Variants in ZYX observed in about 807,000 individuals in gnomAD.
ZYX encodes the protein zyxin.
ZYX carries 37 observed loss-of-function variants against 58.1 expected under a neutral mutation model. The ratio of observed to expected loss-of-function variants is 0.64; its 90% confidence interval spans 0.49 to 0.84. The LOEUF (loss-of-function observed/expected upper bound fraction) is 0.84. Ranked by LOEUF, ZYX falls within the 40% of genes least tolerant of loss-of-function variation. ZYX has a pLI of 0.00. For missense variants in ZYX, 762 were observed against 761.6 expected (o/e 1.00, Z -0.01); for synonymous variants, 324 against 321.1 (o/e 1.01, Z -0.10).
At chr7:143,385,058 G>A (rs1375548530) in intron 5 of ZYX, among the ~76,000 whole-genome samples, 1 of 152,158 alleles carries the variant, frequency 6.6e-6, no homozygotes. Context: ...GGACCAGGAG[G>A]TGCGGGAAGA....
chr7:143,385,603 C>T (rs1355175580), intron 5 of ZYX, among the ~76,000 whole-genome samples: 1 of 141,164 alleles, frequency 7.1e-6, no homozygotes, highest in Non-Finnish European at 1.5e-5. Flanking sequence ...CAAATACACA[C>T]AAGTGGCGTA....
At chr7:143,381,966 C>A in intron 2 of ZYX, 187 bp downstream of exon 2, 1 of 658,372 alleles carries the variant, frequency 1.5e-6, no homozygotes, top group Non-Finnish European at 2.5e-6. Context: ...GGGACCGTTC[C>A]AAGTCCCCCG....
At chr7:143,386,725 A>G (rs932952882) in intron 5 of ZYX, among the ~76,000 whole-genome samples, 8 of 152,092 alleles carry the variant, frequency 5.3e-5, no homozygotes, top group African/African-American at 1.9e-4. Context: ...GGTGGGGGCA[A>G]CTAAGGCTTT....
chr7:143,383,213 G>T lies in ZYX; in HGVS notation c.914G>T (p.Gly305Val). Residue 305 changes from glycine to valine, a missense_variant, in exon 5 of 10, where the codon GGC becomes GTC. By Grantham distance (109) the Gly-to-Val change is moderately radical. Coordinates refer to ENST00000322764, the MANE Select transcript of ZYX (RefSeq NM_003461.5). ...GGGCACCCCGAAGCTCTTTCTGCTG[G>T]CACAGGCTCCCCTCAACCTCCCAGC... ...KLGHPEALSAGTGSPQPPSFT... is the reference protein window; with the variant it reads ...KLGHPEALSAVTGSPQPPSFT... 6.2e-7 allele frequency: 1 copy of T among 1,614,160 alleles called. No individual in the cohort carries two copies. The highest frequency in any genetic ancestry group is 8.5e-7 in the Non-Finnish European group (1 of 1,180,034).
chr7:143,389,737 C>A lies in ZYX; in HGVS notation c.1494-120C>A. 1 of 1,444,510 alleles carries A rather than the reference C, an allele frequency of 6.9e-7. No individual in the cohort carries two copies. The highest frequency in any genetic ancestry group is 2.0e-5 in the Admixed American group (1 of 49,926). The allele number at this position is 1,444,510 out of a possible 1,614,324, so 89.5% of individuals were successfully genotyped here. A position where few individuals can be genotyped will look rare whatever the true frequency, so the allele number is the denominator to read the frequency against. On this transcript the variant is annotated intron_variant, in intron 8 of 9. Transcript: ENST00000322764. The surrounding 1 kb of genome is among the most constrained non-coding windows in gnomAD (Gnocchi z 5.6). ...CTCTTAGGCCCTTCTGGTGAGCTTC[C>A]TTCACCTGGAGATGCAGGGCAGAGA...
rs569057901 is a variant in ZYX, at chr7:143,390,906, C to T, written c.*224C>T. 2.4e-5 allele frequency: 13 copies of T among 535,902 alleles called. No individual in the cohort carries two copies. Among genetic ancestry groups the T allele is most frequent in the South Asian group, 1.5e-4 (7 of 47,284 alleles). 33.2% of individuals were successfully genotyped at this position (535,902 alleles called of 1,614,324 possible). A position where few individuals can be genotyped will look rare whatever the true frequency, so the allele number is the denominator to read the frequency against. ...CGCCCATCCTGCAGGGATTGCCCAC[C>T]GTCTTCCAGACACCCCACCTGAGGG... On this transcript the variant is annotated 3_prime_UTR_variant, in exon 10 of 10. Transcript: ENST00000322764. The surrounding 1 kb of genome is among the most constrained non-coding windows in gnomAD (Gnocchi z 4.3).
In ZYX at chr7:143,390,607, A is replaced by G; in HGVS notation, c.1644A>G (p.Ala548=). 4 of 1,581,682 alleles carry G rather than the reference A, an allele frequency of 2.5e-6. No homozygotes were observed. The highest frequency in any genetic ancestry group is 3.4e-6 in the Non-Finnish European group (4 of 1,163,296). Residue 548 remains alanine, a synonymous_variant, in exon 10 of 10, where the codon GCA becomes GCG. Transcript: ENST00000322764. This position sits in a 1 kb window ranked among gnomAD's most constrained non-coding sequence, Gnocchi z 4.3. ...EDCGKPLSIE[A]DDNGCFPLDG... ...GCGGGAAGCCCCTGTCGATTGAGGC[A>G]GATGACAATGGCTGCTTCCCCCTGG... is the stretch of plus-strand genomic sequence containing the variant.
At chr7:143,382,035 G>A (rs1228131442) in intron 2 of ZYX, 3 of 603,930 alleles carry the variant, frequency 5.0e-6, no homozygotes, top group African/African-American at 1.9e-5. Flanking sequence ...TCCGTTTTCC[G>A]AAGTGTAACG....
intron 5 of ZYX, among the ~76,000 whole-genome samples, chr7:143,386,821 G>A (rs1335850884): frequency 6.6e-6 from 1 of 152,210 alleles, no homozygotes; most frequent in Non-Finnish European, 1.5e-5. Flanking sequence ...CTGAGGTCAA[G>A]GATGTCCCAT....
At chr7:143,383,421 T>G (rs1586564056) in intron 5 of ZYX, 99 bp downstream of exon 5, 1 of 1,403,128 alleles carries the variant, frequency 7.1e-7, no homozygotes, top group East Asian at 2.4e-5. Flanking sequence ...AGAGTCAGGG[T>G]GGACACGGGG....
In ZYX at chr7:143,384,806, A is replaced by G. The variant is rs1368912454; in HGVS notation, c.1023+1484A>G. Among the ~76,000 whole-genome samples the G allele has an allele frequency of 6.6e-6, 1 of 152,154 alleles. No homozygotes were observed. The highest frequency in any genetic ancestry group is 1.9e-4 in the East Asian group (1 of 5,172). ...GTGGGCGGATGGCAGGATTGCTGACAAAATAGAGAAGTCCAGAAGGGGAAA... is the reference window on the plus strand; with the variant it reads ...GTGGGCGGATGGCAGGATTGCTGACGAAATAGAGAAGTCCAGAAGGGGAAA... On this transcript the variant is annotated intron_variant, in intron 5 of 9. Transcript: ENST00000322764. The surrounding 1 kb of genome is among the most constrained non-coding windows in gnomAD (Gnocchi z 4.9).
intron 5 of ZYX, among the ~76,000 whole-genome samples, chr7:143,386,684 C>T (rs1280867951): frequency 6.7e-6 from 1 of 148,620 alleles, no homozygotes; most frequent in Non-Finnish European, 1.5e-5. Context: ...CAGGCTGGGG[C>T]ATGGTGGACA....
chr7:143,388,558 T>G lies in ZYX; in HGVS notation c.1214T>G (p.Phe405Cys). Residue 405 changes from phenylalanine to cysteine, a missense_variant, in exon 7 of 10, where the codon TTC becomes TGC. Physicochemically the swap from Phe to Cys is radical, Grantham distance 205. Coordinates refer to ENST00000322764, the MANE Select transcript of ZYX (RefSeq NM_003461.5). This position sits in a 1 kb window ranked among gnomAD's most constrained non-coding sequence, Gnocchi z 7.5. ...GCCGTCCGCGCTCTAGGGCAGCTGT[T>G]CCACATCGCCTGCTTCACCTGCCAC... ...QPAVRALGQLFHIACFTCHQC... is the reference protein window; with the variant it reads ...QPAVRALGQLCHIACFTCHQC... The G allele has an allele frequency of 6.2e-7, 1 of 1,611,820 alleles. No homozygotes were observed. Among genetic ancestry groups the G allele is most frequent in the Non-Finnish European group, 8.5e-7 (1 of 1,179,966 alleles).
Position 143,390,592 on chromosome 7 carries a change from CCT to C in ZYX, c.1630_1631del (p.Leu544ValfsTer3). The C allele has an allele frequency of 6.4e-7, 1 of 1,571,354 alleles. No homozygotes were observed. The highest frequency in any genetic ancestry group is 8.6e-7 in the Non-Finnish European group (1 of 1,157,574). The stretch of plus-strand genomic sequence containing the variant: ...CTTCTTCCCAGGACTGCGGGAAGCC[CCT>C]GTCGATTGAGGCAGATGACAATGGC... ...CYKCEDCGKP[L>X]SIEADDNGCF... On this transcript the variant is annotated frameshift_variant, in exon 10 of 10. Coordinates refer to ENST00000322764, the MANE Select transcript of ZYX (RefSeq NM_003461.5). LOFTEE classifies it high-confidence loss of function. The surrounding 1 kb of genome is among the most constrained non-coding windows in gnomAD (Gnocchi z 4.3).
At chr7:143,385,329 G>A (rs1257230462) in intron 5 of ZYX, among the ~76,000 whole-genome samples, 5 of 151,850 alleles carry the variant, frequency 3.3e-5, no homozygotes, top group Admixed American at 6.6e-5. Context: ...GTGTGTGTGT[G>A]TATATATACA....
rs1279725303 is a variant in ZYX, at chr7:143,385,290, G to A, written c.1023+1968G>A. On this transcript the variant is annotated intron_variant, in intron 5 of 9. Coordinates refer to ENST00000322764, the MANE Select transcript of ZYX (RefSeq NM_003461.5). Reference sequence around the variant, plus strand: ...CTGCTGGTGTAGCCTGGTCTTAAAGGACTAAGGGAAGGACTGTGTGTCAGT... The same window carrying A: ...CTGCTGGTGTAGCCTGGTCTTAAAGAACTAAGGGAAGGACTGTGTGTCAGT... Among the ~76,000 whole-genome samples the A allele has an allele frequency of 4.6e-5, 7 of 152,008 alleles. No homozygotes were observed. In the East Asian group the frequency reaches 1.3e-3, roughly 29 times the overall value.
intron 5 of ZYX, chr7:143,383,963 T>C (rs1331895833): frequency 3.7e-6 from 1 of 273,200 alleles, no homozygotes; most frequent in Non-Finnish European, 7.4e-6. Context: ...TCTTTAACAT[T>C]CTCTACTCCA....
chr7:143,382,630 A>G lies in ZYX; in HGVS notation c.446A>G (p.Asp149Gly). The part of the protein sequence containing the change: ...EKVSSIDLEI[D>G]SLSSLLDDMT... ...GTGAGCAGTATTGATTTGGAGATCG[A>G]CTCTCTGTCCTCACTGCTGGATGAC... The change falls in exon 4 of 10, where the codon GAC (aspartate) becomes GGC (glycine). Residue 149 changes from aspartate to glycine, a missense_variant. Transcript: ENST00000322764. The G allele has an allele frequency of 1.9e-6, 3 of 1,613,728 alleles. No homozygotes were observed. Among genetic ancestry groups the G allele is most frequent in the Non-Finnish European group, 2.5e-6 (3 of 1,179,920 alleles).
At position 143,390,005 on chromosome 7, in the gene ZYX, C is replaced by A. The variant is rs745639213; in HGVS notation, c.1614+28C>A. The A allele has an allele frequency of 7.4e-6, 12 of 1,612,344 alleles. No homozygotes were observed. In the East Asian group the frequency reaches 2.0e-4, roughly 27 times the overall value. Reference sequence around the variant, plus strand: ...CAGCCATCCCTCTGGACTCCTTGGGCAGGTTCTGACCAGGAGGTGGCGGGA... The same window carrying A: ...CAGCCATCCCTCTGGACTCCTTGGGAAGGTTCTGACCAGGAGGTGGCGGGA... On this transcript the variant is annotated intron_variant, in intron 9 of 9. Coordinates refer to ENST00000322764, the MANE Select transcript of ZYX (RefSeq NM_003461.5). This position sits in a 1 kb window ranked among gnomAD's most constrained non-coding sequence, Gnocchi z 4.3.
Sources: gnomAD v4.1 joint callset for allele counts (sites outside exome capture counted in the v4.1 genomes callset) on GRCh38, gnomAD v4.1.1 for gene constraint, Gnocchi (gnomAD v3.1) non-coding constraint, MANE v1.5 for transcripts, NCBI Gene and HGNC (gene_info 2026-07-23, HGNC 2026-07-21) for gene names.